Variants in VPS4B observed in about 807,000 individuals in gnomAD.
The protein encoded by VPS4B is vacuolar protein sorting 4 homolog B.
Under a neutral mutation model 56.1 loss-of-function variants are expected in VPS4B, and 23 were observed. The observed-to-expected ratio is 0.41, with a 90% confidence interval of 0.30 to 0.58. The LOEUF is 0.58. Among genes scored for constraint, VPS4B ranks in the 20% least tolerant of loss-of-function variants. The pLI is 0.29. For synonymous variants in VPS4B, 177 were observed against 186.0 expected (o/e 0.95, Z 0.39); for missense variants, 372 against 531.9 (o/e 0.70, Z 2.96).
intron 1 of VPS4B, chr18:63,415,723 T>C: frequency 4.1e-6 from 1 of 241,370 alleles, no homozygotes; most frequent in Non-Finnish European, 9.0e-6. Flanking sequence ...TGCGAGGAGC[T>C]GATGGAGCTG....
intron 1 of VPS4B, among the ~76,000 whole-genome samples, chr18:63,418,917 T>C (rs1012662000): frequency 6.6e-6 from 1 of 152,226 alleles, no homozygotes; most frequent in African/African-American, 2.4e-5. Flanking sequence ...CACATATGTA[T>C]GCAAATATTC....
intron 1 of VPS4B, among the ~76,000 whole-genome samples, chr18:63,419,651 C>A (rs1916250710): frequency 6.6e-6 from 1 of 152,162 alleles, no homozygotes; most frequent in Non-Finnish European, 1.5e-5. Context: ...CTGTTCTCAA[C>A]CTTCTTGTGA....
Position 63,402,719 on chromosome 18 carries a change from G to C in VPS4B, c.484+988C>G, listed in dbSNP as rs547403524. Reference sequence around the variant, plus strand: ...ATAAAATGAGTTCAACCATATTTTTGTGCTTTTATAGGATTATGATGTCAA... The same window carrying C: ...ATAAAATGAGTTCAACCATATTTTTCTGCTTTTATAGGATTATGATGTCAA... On this transcript the variant is annotated intron_variant, in intron 5 of 10. Transcript: ENST00000238497. Among the ~76,000 whole-genome samples, 175 of 152,170 alleles carry C rather than the reference G, an allele frequency of 1.2e-3. 3 individuals are homozygous for C. The highest frequency in any genetic ancestry group is 1.2e-3 in the Non-Finnish European group (82 of 68,022).
intron 8 of VPS4B, among the ~76,000 whole-genome samples, chr18:63,397,726 A>G (rs963426930): frequency 1.3e-5 from 2 of 152,214 alleles, no homozygotes; most frequent in Non-Finnish European, 2.9e-5. Context: ...ATTATAAAGA[A>G]TAAACACTAT....
At chr18:63,416,079 TTTGCTGGGTA>T (rs1043321704) in intron 1 of VPS4B, 1 of 178,452 alleles carries the variant, frequency 5.6e-6, no homozygotes, top group Non-Finnish European at 1.2e-5. Flanking sequence ...GTGGGTCTAC[TTTGCTGGGTA>T]TGATATTGTG....
intron 5 of VPS4B, 63 bp downstream of exon 5, chr18:63,403,644 C>T (rs981443539): frequency 3.8e-5 from 56 of 1,480,802 alleles, no homozygotes; most frequent in Non-Finnish European, 4.7e-5. Context: ...GACAATGCTT[C>T]ACCTCAGTCA....
Position 63,422,240 on chromosome 18 carries a change from T to G in VPS4B, c.20A>C (p.Asn7Thr), listed in dbSNP as rs539290608. The part of the protein sequence containing the change: MSSTSP[N>T]LQKAIDLASK... ...GGAGATGAGCAATGATACCTGGAGG[T>G]TGGGCGAAGTGGATGACATGGCGGA... The change falls in exon 1 of 11, where the codon AAC (asparagine) becomes ACC (threonine). Residue 7 changes from asparagine (N) to threonine (T), a missense_variant. Physicochemically the swap from Asn to Thr is moderately conservative, Grantham distance 65 (BLOSUM62 0). Around this residue, in one of 3 missense-constraint regions of VPS4B, gnomAD observed 153 missense variants for 190.3 expected, o/e 0.80. Coordinates refer to ENST00000238497, the MANE Select transcript of VPS4B (RefSeq NM_004869.4). 1.3e-6 allele frequency: 2 copies of G among 1,505,456 alleles called. No homozygotes were observed. Among genetic ancestry groups the G allele is most frequent in the Non-Finnish European group, 1.8e-6 (2 of 1,124,850 alleles). The allele number at this position is 1,505,456 out of a possible 1,614,324, so 93.3% of individuals were successfully genotyped here. A position where few individuals can be genotyped will look rare whatever the true frequency, so the allele number is the denominator to read the frequency against.
In VPS4B at chr18:63,422,263, G is replaced by A; in HGVS notation, c.-4C>T. 1.3e-6 allele frequency: 2 copies of A among 1,507,522 alleles called. No individual in the cohort carries two copies. Among genetic ancestry groups the A allele is most frequent in the Non-Finnish European group, 1.8e-6 (2 of 1,126,012 alleles). 93.4% of individuals were successfully genotyped at this position (1,507,522 alleles called of 1,614,324 possible). A position where few individuals can be genotyped will look rare whatever the true frequency, so the allele number is the denominator to read the frequency against. ...GGTTGGGCGAAGTGGATGACATGGCGGAGTTCCCAGGCGGTTCCCAAGGGA... is the reference window on the plus strand; with the variant it reads ...GGTTGGGCGAAGTGGATGACATGGCAGAGTTCCCAGGCGGTTCCCAAGGGA... On this transcript the variant is annotated 5_prime_UTR_variant, in exon 1 of 11. Coordinates refer to ENST00000238497, the MANE Select transcript of VPS4B (RefSeq NM_004869.4).
chr18:63,394,230 G>A (rs1479632428), intron 9 of VPS4B, among the ~76,000 whole-genome samples: 1 of 152,118 alleles, frequency 6.6e-6, no homozygotes, highest in Non-Finnish European at 1.5e-5. Context: ...CTCAGAAGTT[G>A]CTCTATAGCT....
At chr18:63,414,975 C>T (rs1162826703) in intron 1 of VPS4B, among the ~76,000 whole-genome samples, 2 of 152,296 alleles carry the variant, frequency 1.3e-5, no homozygotes, top group Admixed American at 6.5e-5. Context: ...CTGTATATGG[C>T]TTCTGAGCAC....
At chr18:63,396,851 G>T (rs1311277821) in intron 9 of VPS4B, 183 bp downstream of exon 9, 4 of 590,598 alleles carry the variant, frequency 6.8e-6, no homozygotes, top group African/African-American at 3.7e-5. Context: ...TTAGCCAGGC[G>T]TGGTGGCACA....
Position 63,390,970 on chromosome 18 carries a change from T to G in VPS4B, c.*5A>C, listed in dbSNP as rs1915535682. On this transcript the variant is annotated 3_prime_UTR_variant, in exon 11 of 11. Coordinates refer to ENST00000238497, the MANE Select transcript of VPS4B (RefSeq NM_004869.4). ...CATATGGTAAGCATCTTCCTTGTCT[T>G]TGGCTTAGCCTTCTTGACCAAAATC... 1.3e-6 allele frequency: 2 copies of G among 1,579,254 alleles called. No homozygotes were observed. The highest frequency in any genetic ancestry group is 2.7e-5 in the African/African-American group (2 of 74,052).
chr18:63,414,012 T>A (rs1274007686), intron 1 of VPS4B, among the ~76,000 whole-genome samples: 1 of 152,138 alleles, frequency 6.6e-6, no homozygotes, highest in Non-Finnish European at 1.5e-5. Context: ...AGTCACACAG[T>A]CAAGTGGTGG....
At position 63,391,058 on chromosome 18, in the gene VPS4B, G is replaced by C. The variant is rs1022701364; in HGVS notation, c.1252C>G (p.Leu418Val). 4.3e-6 allele frequency: 7 copies of C among 1,612,644 alleles called. No homozygotes were observed. In the Admixed American group the frequency reaches 1.2e-4, roughly 27 times the overall value. The change falls in exon 11 of 11, where the codon CTA becomes GTA. Residue 418 changes from leucine (L) to valine (V), a missense_variant. This residue lies in a region of VPS4B where 153 missense variants were observed against 190.9 expected (regional missense o/e 0.80). Transcript: ENST00000238497. ...TTGACTGTAGGTTTTGTGTTAGATAGTGACCGCAACATATCCGACTGTCAG... is the reference window on the plus strand; with the variant it reads ...TTGACTGTAGGTTTTGTGTTAGATACTGACCGCAACATATCCGACTGTCAG... The part of the protein sequence containing the change: ...VVSMSDMLRS[L>V]SNTKPTVNEH...
intron 4 of VPS4B, among the ~76,000 whole-genome samples, chr18:63,404,989 G>C (rs555154574): frequency 1.3e-5 from 2 of 151,972 alleles, no homozygotes; most frequent in East Asian, 1.9e-4. Flanking sequence ...AGTAATCCTA[G>C]GATTTCATGT....
chr18:63,419,648 C>G (rs564485476), intron 1 of VPS4B, among the ~76,000 whole-genome samples: 1 of 152,286 alleles, frequency 6.6e-6, no homozygotes, highest in East Asian at 1.9e-4. Context: ...GCACTGTTCT[C>G]AACCTTCTTG....
intron 4 of VPS4B, among the ~76,000 whole-genome samples, chr18:63,406,920 A>C (rs887910152): frequency 1.3e-5 from 2 of 152,226 alleles, no homozygotes; most frequent in African/African-American, 4.8e-5. Flanking sequence ...ACAGAATGAA[A>C]GGGCTTTACA....
intron 1 of VPS4B, chr18:63,415,935 C>A: frequency 4.8e-6 from 1 of 206,252 alleles, no homozygotes; most frequent in East Asian, 1.2e-4. Flanking sequence ...GTGTGATACC[C>A]AGTGCTTCAA....
At chr18:63,397,378 G>T (rs1915695835) in intron 8 of VPS4B, 125 bp from the exon 9 acceptor site, 8 of 868,126 alleles carry the variant, frequency 9.2e-6, no homozygotes, top group Non-Finnish European at 1.2e-5. Flanking sequence ...TAGGTTAAAG[G>T]GATAATATCC....
Sources: gnomAD v4.1 joint callset for allele counts (sites outside exome capture counted in the v4.1 genomes callset) on GRCh38, gnomAD v4.1.1 for gene constraint, gnomAD v4.1.1 regional missense constraint, MANE v1.5 for transcripts, NCBI Gene and HGNC (gene_info 2026-07-23, HGNC 2026-07-21) for gene names.